The following TENM2 variants were observed in gnomAD, a reference collection of about 807,000 sequenced individuals.
The protein encoded by TENM2 is teneurin transmembrane protein 2.
Under a neutral mutation model 245.2 loss-of-function variants are expected in TENM2, and 52 were observed. That is an observed-to-expected ratio of 0.21 (90% CI 0.17 to 0.27). TENM2 has a LOEUF of 0.27. Ranked by LOEUF, TENM2 falls within the 10% of genes least tolerant of loss-of-function variation. The pLI, the probability that TENM2 is intolerant of heterozygous loss-of-function variation, is 1.00. For synonymous variants in TENM2, 1,363 were observed against 1,438.9 expected, an observed-to-expected ratio of 0.95 and a Z score of 1.19; for missense variants, 3,046 against 3,666.8, an observed-to-expected ratio of 0.83 and a Z score of 4.37.
chr5:167,809,228 T>C (rs1428426223), intron 2 of TENM2, among the ~76,000 whole-genome samples: 1 of 152,148 alleles, frequency 6.6e-6, no homozygotes, highest in Non-Finnish European at 1.5e-5. Context: ...CCAGAGAAAA[T>C]TCTTTTTCAT....
intron 2 of TENM2, among the ~76,000 whole-genome samples, chr5:167,624,420 G>C (rs949100336): frequency 6.6e-6 from 1 of 152,128 alleles, no homozygotes; most frequent in African/African-American, 2.4e-5. Flanking sequence ...GGCTACAAGA[G>C]TAGGGAGGGA....
intron 2 of TENM2, among the ~76,000 whole-genome samples, chr5:167,648,815 C>G (rs183026313): frequency 2.6e-4 from 39 of 152,268 alleles, no homozygotes; most frequent in Admixed American, 2.5e-3. Flanking sequence ...GACTAGGAAA[C>G]AGTTTGAAGG....
intron 1 of TENM2, among the ~76,000 whole-genome samples, chr5:167,341,077 C>A (rs1045797282): frequency 6.6e-6 from 1 of 152,124 alleles, no homozygotes; most frequent in African/African-American, 2.4e-5. Context: ...GAGGCCAACC[C>A]TGAAGATGGT....
intron 2 of TENM2, among the ~76,000 whole-genome samples, chr5:167,463,639 T>C (rs1210426741): frequency 6.6e-6 from 1 of 151,928 alleles, no homozygotes; most frequent in Non-Finnish European, 1.5e-5. Context: ...GCTGGGATTA[T>C]GGGCATGCAC....
chr5:167,045,673 G>A, the TENM2 span, among the ~76,000 whole-genome samples: 2 of 152,176 alleles, frequency 1.3e-5, no homozygotes, highest in Non-Finnish European at 2.9e-5. Flanking sequence ...TTATCAAGCT[G>A]TCACTTTTTA....
intron 27 of TENM2, 120 bp downstream of exon 29, chr5:168,248,491 A>ATG: frequency 1.0e-6 from 1 of 998,558 alleles, no homozygotes; most frequent in Middle Eastern, 3.2e-4. Context: ...CATAAAGCCC[A>ATG]GGCAGTGCAG....
At chr5:167,260,406 T>C in the TENM2 span, among the ~76,000 whole-genome samples, 92 of 152,194 alleles carry the variant, frequency 6.0e-4, 2 homozygotes, top group Non-Finnish European at 1.2e-4. Flanking sequence ...TATAAAAGTT[T>C]AACCACTATG....
At chr5:167,041,741 G>T in the TENM2 span, among the ~76,000 whole-genome samples, 1 of 151,990 alleles carries the variant, frequency 6.6e-6, no homozygotes, top group Non-Finnish European at 1.5e-5. Context: ...AGGTTTTAGG[G>T]CCTCTAAGTA....
At chr5:167,258,980 C>T in the TENM2 span, among the ~76,000 whole-genome samples, 3 of 152,140 alleles carry the variant, frequency 2.0e-5, no homozygotes, top group African/African-American at 7.2e-5. Flanking sequence ...CTTCTCAAGC[C>T]TGAATGTCCA....
At chr5:167,427,677 GGAA>G (rs1763934626) in intron 2 of TENM2, among the ~76,000 whole-genome samples, 1 of 98,540 alleles carries the variant, frequency 1.0e-5, no homozygotes, top group Non-Finnish European at 1.9e-5. Flanking sequence ...AGGGAAGGAA[GGAA>G]GGACGGGAAG....
intron 12 of TENM2, chr5:168,129,173 G>A (rs1419560804): frequency 1.3e-5 from 2 of 152,130 alleles, no homozygotes; most frequent in African/African-American, 4.8e-5. Context: ...AAAAGAGATG[G>A]GAAGATGACA....
chr5:167,449,066 G>T (rs929569500), intron 2 of TENM2, among the ~76,000 whole-genome samples: 2 of 151,746 alleles, frequency 1.3e-5, no homozygotes, highest in Admixed American at 1.3e-4. Flanking sequence ...AAAAAAATTG[G>T]TATGCAAAAA....
At chr5:167,440,567 G>C (rs76063557) in intron 2 of TENM2, among the ~76,000 whole-genome samples, 7,413 of 152,208 alleles carry the variant, frequency 0.049, 247 homozygotes, top group Middle Eastern at 0.095. Flanking sequence ...TGAAAACAAA[G>C]AAGAAACTAG....
At chr5:168,171,267 G>A (rs1560651) in intron 13 of TENM2, among the ~76,000 whole-genome samples, 78,091 of 152,082 alleles carry the variant, frequency 0.51, 20,872 homozygotes, top group East Asian at 0.94. Flanking sequence ...ACACTAGACT[G>A]TAAGTTCAAT....
intron 3 of TENM2, among the ~76,000 whole-genome samples, chr5:167,932,472 C>T (rs527281705): frequency 9.2e-5 from 14 of 152,044 alleles, no homozygotes; most frequent in African/African-American, 2.7e-4. Flanking sequence ...TTAGTAGGGT[C>T]GAATCGTTGT....
chr5:167,030,176 C>A, the TENM2 span, among the ~76,000 whole-genome samples: 1 of 152,156 alleles, frequency 6.6e-6, no homozygotes, highest in Non-Finnish European at 1.5e-5. Context: ...TTCCTGAGCT[C>A]TTTACTTCTT....
At chr5:168,053,167 A>T (rs1342769730) in intron 6 of TENM2, among the ~76,000 whole-genome samples, 2 of 152,148 alleles carry the variant, frequency 1.3e-5, no homozygotes, top group Non-Finnish European at 2.9e-5. Context: ...CAAATATACC[A>T]ACATCCTAAC....
At chr5:167,219,945 T>C in the TENM2 span, among the ~76,000 whole-genome samples, 5 of 152,226 alleles carry the variant, frequency 3.3e-5, no homozygotes, top group Non-Finnish European at 5.9e-5. Context: ...TTCTTTTATA[T>C]CTGTTTTAAT....
chr5:168,070,211 G>A (rs1432095263), intron 7 of TENM2, among the ~76,000 whole-genome samples: 3 of 152,166 alleles, frequency 2.0e-5, no homozygotes, highest in African/African-American at 7.2e-5. Flanking sequence ...ACATGTTTTT[G>A]TGTACGTATG....
Sources: allele counts gnomAD v4.1 joint callset (sites outside exome capture counted in the v4.1 genomes callset), GRCh38; gene constraint gnomAD v4.1.1; transcripts MANE v1.5; gene names NCBI Gene and HGNC (gene_info 2026-07-23, HGNC 2026-07-21).